Variants in CDH13 observed in about 807,000 individuals in gnomAD.
The protein encoded by CDH13 is cadherin 13.
CDH13 carries 24 observed loss-of-function variants against 63.8 expected under a neutral mutation model. That is an observed-to-expected ratio of 0.38 (90% confidence interval 0.27 to 0.53). The LOEUF is 0.53. Among genes scored for constraint, CDH13 ranks in the 20% least tolerant of loss-of-function variants. The pLI is 0.85. For synonymous variants in CDH13, 503 were observed against 355.3 expected (o/e 1.42, Z -4.67); for missense variants, 1,049 against 903.1 (o/e 1.16, Z -2.07).
chr16:82,655,154 C>T (rs961667813), intron 1 of CDH13, among the ~76,000 whole-genome samples: 4 of 152,292 alleles, frequency 2.6e-5, no homozygotes, highest in African/African-American at 4.8e-5. Context: ...ACTGAATGCC[C>T]GCAAGCACCA....
chr16:82,980,505 A>G (rs1305981101), intron 2 of CDH13, among the ~76,000 whole-genome samples: 1 of 152,202 alleles, frequency 6.6e-6, no homozygotes, highest in Non-Finnish European at 1.5e-5. Context: ...AGAGGACCAA[A>G]TAATGTACTT....
chr16:83,632,353 C>T (rs1910860586), intron 8 of CDH13, among the ~76,000 whole-genome samples: 1 of 152,128 alleles, frequency 6.6e-6, no homozygotes, highest in Non-Finnish European at 1.5e-5. Flanking sequence ...GCACAAGTTC[C>T]TTAGATGCTT....
intron 7 of CDH13, among the ~76,000 whole-genome samples, chr16:83,565,383 C>CTTTT (rs369127310): frequency 0.57 from 74,926 of 130,426 alleles, 24,581 homozygotes; most frequent in Middle Eastern, 0.73. Context: ...TTCCACTGTT[C>CTTTT]TTTTTTTTTT....
intron 6 of CDH13, among the ~76,000 whole-genome samples, chr16:83,359,106 G>A (rs578167160): frequency 1.3e-5 from 2 of 152,170 alleles, no homozygotes; most frequent in African/African-American, 4.8e-5. Context: ...GAATCAAGTT[G>A]AAGTGCATCA....
intron 2 of CDH13, among the ~76,000 whole-genome samples, chr16:82,985,633 C>T (rs575993180): frequency 9.9e-5 from 15 of 152,228 alleles, no homozygotes; most frequent in African/African-American, 3.6e-4. Context: ...AGGACCCTCA[C>T]CCTCTCTGAA....
intron 1 of CDH13, among the ~76,000 whole-genome samples, chr16:82,800,590 A>G (rs913706319): frequency 6.6e-6 from 1 of 152,250 alleles, no homozygotes; most frequent in Non-Finnish European, 1.5e-5. Context: ...GTTAAGAACC[A>G]TTAATTTTCA....
At chr16:82,820,993 T>A (rs2037978987) in intron 1 of CDH13, among the ~76,000 whole-genome samples, 1 of 151,942 alleles carries the variant, frequency 6.6e-6, no homozygotes. Flanking sequence ...TTAACAATGA[T>A]CTCCTCATTA....
intron 7 of CDH13, among the ~76,000 whole-genome samples, chr16:83,529,652 G>C (rs965550421): frequency 6.6e-6 from 1 of 152,036 alleles, no homozygotes; most frequent in Non-Finnish European, 1.5e-5. Flanking sequence ...TGGATGATCT[G>C]TACTACTGTT....
intron 5 of CDH13, among the ~76,000 whole-genome samples, chr16:83,330,998 G>C (rs1468244367): frequency 6.6e-6 from 1 of 152,250 alleles, no homozygotes; most frequent in African/African-American, 2.4e-5. Context: ...TATGTGGCAA[G>C]TGTTTTGCTA....
intron 6 of CDH13, among the ~76,000 whole-genome samples, chr16:83,425,230 C>T (rs903797774): frequency 1.3e-5 from 2 of 152,166 alleles, no homozygotes; most frequent in African/African-American, 4.8e-5. Context: ...TCCCTTTGGC[C>T]ATTTGATGAC....
chr16:83,560,654 T>C (rs2075686498), intron 7 of CDH13, among the ~76,000 whole-genome samples: 1 of 152,244 alleles, frequency 6.6e-6, no homozygotes, highest in African/African-American at 2.4e-5. Flanking sequence ...AAAATGGTCA[T>C]TGGTCCCTGG....
At chr16:82,854,932 A>C (rs548253546) in intron 1 of CDH13, among the ~76,000 whole-genome samples, 1 of 152,294 alleles carries the variant, frequency 6.6e-6, no homozygotes, top group South Asian at 2.1e-4. Context: ...ATGTGTAGCA[A>C]AGTCCTCACT....
intron 3 of CDH13, among the ~76,000 whole-genome samples, chr16:83,087,102 A>G (rs2051546359): frequency 6.6e-6 from 1 of 152,204 alleles, no homozygotes; most frequent in African/African-American, 2.4e-5. Context: ...CAATCAATGA[A>G]CCAAATAGTT....
intron 7 of CDH13, among the ~76,000 whole-genome samples, chr16:83,513,913 A>C (rs987974371): frequency 6.6e-6 from 1 of 152,094 alleles, no homozygotes; most frequent in Non-Finnish European, 1.5e-5. Context: ...AATTATAGAG[A>C]ATGAAGGAAA....
intron 10 of CDH13, among the ~76,000 whole-genome samples, chr16:83,745,149 C>T (rs537358735): frequency 3.3e-5 from 5 of 152,304 alleles, no homozygotes; most frequent in Admixed American, 1.3e-4. Context: ...CAATGTAAGG[C>T]TCGATGCTGC....
intron 6 of CDH13, among the ~76,000 whole-genome samples, chr16:83,358,107 A>C (rs559592615): frequency 9.8e-5 from 15 of 152,322 alleles, no homozygotes; most frequent in African/African-American, 3.6e-4. Flanking sequence ...GCTGTCCTTT[A>C]GTAACAGACC....
At chr16:82,962,565 A>C (rs934783018) in intron 2 of CDH13, among the ~76,000 whole-genome samples, 2 of 152,352 alleles carry the variant, frequency 1.3e-5, no homozygotes, top group East Asian at 1.9e-4. Context: ...CATGCAACTC[A>C]TAAGGCTGAA....
intron 7 of CDH13, among the ~76,000 whole-genome samples, chr16:83,585,465 G>T (rs1458404869): frequency 1.3e-5 from 2 of 152,274 alleles, no homozygotes; most frequent in South Asian, 2.1e-4. Context: ...CCAGAACAGG[G>T]AAGGACTGTG....
At chr16:82,944,147 G>A (rs1904434798) in intron 2 of CDH13, among the ~76,000 whole-genome samples, 1 of 152,172 alleles carries the variant, frequency 6.6e-6, no homozygotes, top group Admixed American at 6.5e-5. Context: ...ATCGTCTTAG[G>A]AGAACTGAGA....
Sources: allele counts gnomAD v4.1 joint callset (sites outside exome capture counted in the v4.1 genomes callset), GRCh38; gene constraint gnomAD v4.1.1; transcripts MANE v1.5; gene names NCBI Gene and HGNC (gene_info 2026-07-23, HGNC 2026-07-21).